The following KLHL13 variants were observed in gnomAD, a reference collection of about 807,000 sequenced individuals.
KLHL13 encodes the protein kelch like family member 13, also known as kelch-like protein 13.
KLHL13 carries 10 observed loss-of-function variants against 37.1 expected under a neutral mutation model. The observed-to-expected ratio is 0.27, with a 90% CI of 0.17 to 0.46. The LOEUF (loss-of-function observed/expected upper bound fraction) is 0.46, where lower values mean the gene tolerates loss of function less well. KLHL13 is among the 20% of genes least tolerant of loss of function. KLHL13 has a pLI of 1.00. For missense variants in KLHL13, 360 were observed against 509.3 expected (o/e 0.71, Z 2.82); for synonymous variants, 163 against 181.2 (o/e 0.90, Z 0.81).
chrX:118,084,074 CTT>C (rs1057370214), intron 1 of KLHL13, among the ~76,000 whole-genome samples: 1 of 110,843 alleles, frequency 9.0e-6, no homozygotes, highest in African/African-American at 3.3e-5. Context: ...AATCCCAACA[CTT>C]TGGGAGGCCA....
At chrX:118,032,837 C>T (rs984447475) in intron 1 of KLHL13, among the ~76,000 whole-genome samples, 2 of 111,236 alleles carry the variant, frequency 1.8e-5, no homozygotes, top group Admixed American at 1.9e-4. Context: ...AAGTTGAAAA[C>T]TTTGAAAACA....
chrX:117,917,624 T>C (rs1931451720), intron 4 of KLHL13, among the ~76,000 whole-genome samples: 1 of 112,195 alleles, frequency 8.9e-6, no homozygotes, highest in African/African-American at 3.2e-5. Flanking sequence ...AAAATTCTTT[T>C]CTATTATTGT....
chrX:117,917,598 TAC>T (rs1326383144), intron 4 of KLHL13, among the ~76,000 whole-genome samples: 3 of 112,415 alleles, frequency 2.7e-5, no homozygotes, highest in Non-Finnish European at 5.6e-5. Flanking sequence ...TTGCTTTAAA[TAC>T]AGTTATCTAG....
intron 1 of KLHL13, among the ~76,000 whole-genome samples, chrX:117,994,392 T>A (rs1484092584): frequency 9.0e-6 from 1 of 110,660 alleles, no homozygotes; most frequent in Non-Finnish European, 1.9e-5. Context: ...TAGCTGAGAC[T>A]ACAGGTGCTT....
chrX:118,109,038 A>G (rs988890509), intron 1 of KLHL13, among the ~76,000 whole-genome samples: 2 of 110,733 alleles, frequency 1.8e-5, no homozygotes, highest in African/African-American at 6.6e-5. Flanking sequence ...ATGGTCTTGA[A>G]CTCCTGGGCT....
At chrX:118,076,887 TCTC>T (rs995372472) in intron 1 of KLHL13, among the ~76,000 whole-genome samples, 1 of 107,830 alleles carries the variant, frequency 9.3e-6, no homozygotes, top group Non-Finnish European at 1.9e-5. Flanking sequence ...TTTCTTCTCT[TCTC>T]CTCTTCTCTT....
At chrX:118,064,471 TA>T (rs1228305862) in intron 1 of KLHL13, among the ~76,000 whole-genome samples, 3 of 111,746 alleles carry the variant, frequency 2.7e-5, no homozygotes, top group Non-Finnish European at 5.7e-5. Context: ...ACTGCTATTT[TA>T]AAATATTGAT....
At chrX:118,050,626 A>G (rs1378500056) in intron 1 of KLHL13, among the ~76,000 whole-genome samples, 6 of 109,563 alleles carry the variant, frequency 5.5e-5, no homozygotes, top group Non-Finnish European at 1.1e-4. Flanking sequence ...TTCCTTATTC[A>G]CCTAATTAAG....
chrX:118,109,320 A>C (rs1167113577), intron 1 of KLHL13, among the ~76,000 whole-genome samples: 1 of 111,819 alleles, frequency 8.9e-6, no homozygotes, highest in African/African-American at 3.2e-5. Context: ...ACAGGTCATC[A>C]TGGGAATTTA....
intron 1 of KLHL13, among the ~76,000 whole-genome samples, chrX:117,954,253 A>G (rs1933790680): frequency 8.9e-6 from 1 of 112,398 alleles, no homozygotes. Context: ...TTTAAAATTT[A>G]TATACCAGTT....
At chrX:118,114,881 C>T (rs1261873321) in intron 1 of KLHL13, among the ~76,000 whole-genome samples, 1 of 112,356 alleles carries the variant, frequency 8.9e-6, no homozygotes, top group East Asian at 2.8e-4. Context: ...ATAATTGAAG[C>T]TCTTATTTAT....
In KLHL13 at chrX:117,965,534, A is replaced by T. The variant is rs140944937; in HGVS notation, c.98+7197T>A. ...ATTCCAATCAATAAACAAAGAGGGA[A>T]TCCTCCCTAACTCATTTGATGAGGC... On this transcript the variant is annotated intron_variant, in intron 1 of 6. Transcript: ENST00000262820. 9.4e-3 allele frequency among the ~76,000 whole-genome samples: 1,053 copies of T among 111,669 alleles called. 20 individuals are homozygous for T. Among genetic ancestry groups the T allele is most frequent in the East Asian group, 0.039 (140 of 3,553 alleles).
intron 1 of KLHL13, among the ~76,000 whole-genome samples, chrX:118,061,933 G>A (rs1171439104): frequency 9.0e-6 from 1 of 111,287 alleles, no homozygotes; most frequent in African/African-American, 3.3e-5. Flanking sequence ...AACCCATATT[G>A]AAAGTATTCA....
intron 1 of KLHL13, among the ~76,000 whole-genome samples, chrX:118,048,691 T>A (rs1359739181): frequency 9.0e-6 from 1 of 111,549 alleles, no homozygotes; most frequent in African/African-American, 3.3e-5. Flanking sequence ...ACATTTTTTT[T>A]AAAGAGCTTT....
At chrX:118,072,936 A>T (rs960242422) in intron 1 of KLHL13, among the ~76,000 whole-genome samples, 1 of 110,380 alleles carries the variant, frequency 9.1e-6, no homozygotes, top group Non-Finnish European at 1.9e-5. Flanking sequence ...GTCTCCAAAC[A>T]TTTAAAAATT....
intron 1 of KLHL13, among the ~76,000 whole-genome samples, chrX:118,089,620 G>GAAA: frequency 1.4e-5 from 1 of 71,907 alleles, no homozygotes; most frequent in Non-Finnish European, 2.6e-5. Flanking sequence ...GAGAAAGAAA[G>GAAA]AGAAAGAAAG....
intron 1 of KLHL13, among the ~76,000 whole-genome samples, chrX:117,982,906 C>T (rs1324241545): frequency 5.4e-5 from 6 of 111,837 alleles, no homozygotes; most frequent in Non-Finnish European, 7.5e-5. Context: ...TCTTGCCCTC[C>T]CACACTCCAG....
intron 1 of KLHL13, among the ~76,000 whole-genome samples, chrX:118,010,932 G>A (rs909137050): frequency 1.8e-5 from 2 of 108,375 alleles, no homozygotes; most frequent in African/African-American, 6.7e-5. Flanking sequence ...AATTAGCCAG[G>A]CATGGTGGCA....
At chrX:118,097,138 T>A (rs2055218640) in intron 1 of KLHL13, among the ~76,000 whole-genome samples, 1 of 111,441 alleles carries the variant, frequency 9.0e-6, no homozygotes, top group African/African-American at 3.3e-5. Context: ...GAAGTCAAAT[T>A]GTCCCTGTTT....
Sources: allele counts gnomAD v4.1 joint callset (sites outside exome capture counted in the v4.1 genomes callset), GRCh38; gene constraint gnomAD v4.1.1; transcripts MANE v1.5; gene names NCBI Gene and HGNC (gene_info 2026-07-23, HGNC 2026-07-21).